Variants in TRIM3 observed in about 807,000 individuals in gnomAD.
TRIM3 encodes tripartite motif containing 3, also known as tripartite motif-containing protein 3.
In TRIM3, 13 loss-of-function variants were observed where a neutral mutation model predicts 66.6. The ratio of observed to expected loss-of-function variants is 0.20; its 90% CI spans 0.13 to 0.31. The LOEUF is 0.31. Ranked by LOEUF, TRIM3 falls within the 10% of genes least tolerant of loss-of-function variation. TRIM3 has a pLI of 1.00. For synonymous variants in TRIM3, 406 were observed against 411.7 expected (o/e 0.99, Z 0.17); for missense variants, 711 against 1,020.4 (o/e 0.70, Z 4.13).
chr11:6,460,241 G>C (rs1371814385), intron 2 of TRIM3, among the ~76,000 whole-genome samples: 1 of 152,204 alleles, frequency 6.6e-6, no homozygotes, highest in African/African-American at 2.4e-5. Context: ...GCAAATGTGA[G>C]GGTACTTTGT....
intron 1 of TRIM3, chr11:6,473,330 G>C (rs1442207814): frequency 2.1e-5 from 3 of 143,306 alleles, no homozygotes; most frequent in Non-Finnish European, 4.6e-5. Context: ...CATCCTGACT[G>C]GTGGGCCTGT....
chr11:6,468,915 G>C (rs1850573764), intron 1 of TRIM3, among the ~76,000 whole-genome samples: 1 of 152,154 alleles, frequency 6.6e-6, no homozygotes, highest in African/African-American at 2.4e-5. Flanking sequence ...TTTGGGGAGG[G>C]ATAGAAGGGC....
In TRIM3 at chr11:6,456,676, C is replaced by G; in HGVS notation, c.1050G>C (p.Lys350Asn). ...PASLTVTTKD[K>N]DGRLVRTGSA... ...TGCCTGTGCGCACCAACCGCCCGTC[C>G]TTGTCTTTGGTAGTGACAGTGAGCG... Residue 350 changes from lysine to asparagine, a missense_variant, in exon 6 of 12, where the codon AAG becomes AAC. Lys to Asn is a moderately conservative substitution (Grantham distance 94). Around this residue, in one of 3 missense-constraint regions of TRIM3, gnomAD observed 399 missense variants for 458.1 expected, o/e 0.87. Transcript: ENST00000345851. The surrounding 1 kb of genome is among the most constrained non-coding windows in gnomAD (Gnocchi z 6.4). 10 of 1,606,346 alleles carry G rather than the reference C, an allele frequency of 6.2e-6. No individual in the cohort carries two copies. Among genetic ancestry groups the G allele is most frequent in the Non-Finnish European group, 8.5e-6 (10 of 1,175,966 alleles).
intron 1 of TRIM3, among the ~76,000 whole-genome samples, chr11:6,469,103 T>C (rs980230186): frequency 5.9e-5 from 9 of 152,228 alleles, no homozygotes; most frequent in South Asian, 2.1e-4. Flanking sequence ...GGAGGACAGA[T>C]TGAAGGTTGG....
intron 7 of TRIM3, chr11:6,451,747 A>G (rs896732493): frequency 2.8e-5 from 10 of 359,856 alleles, no homozygotes; most frequent in African/African-American, 2.1e-4. Context: ...AAGGAAGAGG[A>G]AAGGCATTCA....
At position 6,458,320 on chromosome 11, in the gene TRIM3, A is replaced by G; in HGVS notation, c.132-24T>C. The G allele has an allele frequency of 1.3e-6, 2 of 1,594,128 alleles. No individual in the cohort carries two copies. The highest frequency in any genetic ancestry group is 1.7e-6 in the Non-Finnish European group (2 of 1,163,994). ...ATCTGTCCAGGAAGGAGAGTCAAAG[A>G]ACAGAGTGGGTGGGGTGGCATAAGT... On this transcript the variant is annotated intron_variant, in intron 2 of 11. Transcript: ENST00000345851. This position sits in a 1 kb window ranked among gnomAD's most constrained non-coding sequence, Gnocchi z 6.2.
In TRIM3 at chr11:6,456,367, G is replaced by A; in HGVS notation, c.1359C>T (p.Pro453=). 2.6e-6 allele frequency: 4 copies of A among 1,532,788 alleles called. No homozygotes were observed. The highest frequency in any genetic ancestry group is 3.5e-6 in the Non-Finnish European group (4 of 1,137,616). 94.9% of individuals were successfully genotyped at this position (1,532,788 alleles called of 1,614,324 possible). A position where few individuals can be genotyped will look rare whatever the true frequency, so the allele number is the denominator to read the frequency against. The part of the protein sequence containing the change: ...SHVRQKAVRR[P]SSMYSTGGKR... ...TGCCGCCTGTGCTGTACATGGAGCTGGGCCTACGCACTGCCTTCTGGCGCA... is the reference window on the plus strand; with the variant it reads ...TGCCGCCTGTGCTGTACATGGAGCTAGGCCTACGCACTGCCTTCTGGCGCA... Residue 453 remains proline, a synonymous_variant, in exon 6 of 12, where the codon CCC becomes CCT. Transcript: ENST00000345851. The surrounding 1 kb of genome is among the most constrained non-coding windows in gnomAD (Gnocchi z 6.4).
chr11:6,458,280 T>G lies in TRIM3; in HGVS notation c.148A>C (p.Ile50Leu). Residue 50 changes from isoleucine (I) to leucine (L), a missense_variant, in exon 3 of 12, where the codon ATC becomes CTC. Physicochemically the swap from Ile to Leu is conservative, Grantham distance 5. Around this residue, in one of 3 missense-constraint regions of TRIM3, gnomAD observed 149 missense variants for 240.3 expected, o/e 0.62. Coordinates refer to ENST00000345851, the MANE Select transcript of TRIM3 (RefSeq NM_033278.4). The surrounding 1 kb of genome is among the most constrained non-coding windows in gnomAD (Gnocchi z 6.2). ...GATAGCGTCAGGCTCTGGGCAGGGATATAGTTTTGGAGACATCTGTCCAGG... is the reference window on the plus strand; with the variant it reads ...GATAGCGTCAGGCTCTGGGCAGGGAGATAGTTTTGGAGACATCTGTCCAGG... ...TFCERCLQNY[I>L]PAQSLTLSCP... 3 of 1,613,642 alleles carry G rather than the reference T, an allele frequency of 1.9e-6. No individual in the cohort carries two copies. Among genetic ancestry groups the G allele is most frequent in the Non-Finnish European group, 2.5e-6 (3 of 1,179,634 alleles).
intron 1 of TRIM3, among the ~76,000 whole-genome samples, 178 bp downstream of exon 1, chr11:6,473,613 G>C (rs904736652): frequency 1.3e-5 from 2 of 151,818 alleles, no homozygotes; most frequent in African/African-American, 4.8e-5. Flanking sequence ...GACCTCACGT[G>C]AGCAGCCACA....
At chr11:6,454,100 C>T (rs1214622044) in intron 7 of TRIM3, among the ~76,000 whole-genome samples, 1 of 152,130 alleles carries the variant, frequency 6.6e-6, no homozygotes, top group Non-Finnish European at 1.5e-5. Context: ...ATGGGGAGGC[C>T]AGGTGCAGTG....
chr11:6,449,563 G>A lies in TRIM3; in HGVS notation c.1942-117C>T, dbSNP rs1209696967. On this transcript the variant is annotated intron_variant, in intron 10 of 11. Transcript: ENST00000345851. The surrounding 1 kb of genome is among the most constrained non-coding windows in gnomAD (Gnocchi z 5.3). ...ACCCCCACCCAGATCTACAGCTACA[G>A]CCCAAATCTGCTTCATAGGCTTCAC... The A allele has an allele frequency of 1.0e-6, 1 of 960,834 alleles. No homozygotes were observed. The highest frequency in any genetic ancestry group is 1.5e-6 in the Non-Finnish European group (1 of 655,524). 59.5% of individuals were successfully genotyped at this position (960,834 alleles called of 1,614,324 possible). A position where few individuals can be genotyped will look rare whatever the true frequency, so the allele number is the denominator to read the frequency against.
intron 1 of TRIM3, among the ~76,000 whole-genome samples, chr11:6,470,467 G>A (rs1180721468): frequency 1.3e-5 from 2 of 152,158 alleles, no homozygotes; most frequent in African/African-American, 4.8e-5. Context: ...GTGGTGTTAT[G>A]ATCATAGCTC....
In TRIM3 at chr11:6,463,824, A is replaced by G. The variant is rs920833849; in HGVS notation, c.131+1741T>C. Reference sequence around the variant, plus strand: ...AACCCTGAAGAAACAGTTAAGAACCAACAGGCACAAGAGGGTGGTTGTCCC... The same window carrying G: ...AACCCTGAAGAAACAGTTAAGAACCGACAGGCACAAGAGGGTGGTTGTCCC... On this transcript the variant is annotated intron_variant, in intron 2 of 11. Transcript: ENST00000345851. 1.8e-4 allele frequency among the ~76,000 whole-genome samples: 28 copies of G among 152,330 alleles called. 1 individual carries two copies. Among genetic ancestry groups the G allele is most frequent in the Non-Finnish European group, 1.5e-5 (1 of 68,030 alleles).
intron 7 of TRIM3, among the ~76,000 whole-genome samples, chr11:6,454,968 A>T (rs963843756): frequency 3.3e-5 from 5 of 152,136 alleles, no homozygotes; most frequent in Admixed American, 3.3e-4. Flanking sequence ...GTAGTTAGAA[A>T]CAATCCCCTA....
chr11:6,457,616 G>C lies in TRIM3; in HGVS notation c.515+80C>G, dbSNP rs1215705662. The C allele has an allele frequency of 6.4e-7, 1 of 1,561,598 alleles. No homozygotes were observed. On this transcript the variant is annotated intron_variant, in intron 4 of 11. Transcript: ENST00000345851. This position sits in a 1 kb window ranked among gnomAD's most constrained non-coding sequence, Gnocchi z 4.5. ...GAGACTTCCATCTCTGCCCTTCCCAGACCCTTTATTCCCCTCCCCGCCCGA... is the reference window on the plus strand; with the variant it reads ...GAGACTTCCATCTCTGCCCTTCCCACACCCTTTATTCCCCTCCCCGCCCGA...
rs903828365 is a variant in TRIM3, at chr11:6,456,769, G to C, written c.957C>G (p.Ser319Arg). 2 of 1,611,896 alleles carry C rather than the reference G, an allele frequency of 1.2e-6. No individual in the cohort carries two copies. The highest frequency in any genetic ancestry group is 2.7e-5 in the African/African-American group (2 of 75,064). Residue 319 changes from serine (S) to arginine (R), a missense_variant, in exon 6 of 12, where the codon AGC becomes AGG. This residue lies in a region of TRIM3 where 399 missense variants were observed against 458.1 expected (regional missense o/e 0.87). Coordinates refer to ENST00000345851, the MANE Select transcript of TRIM3 (RefSeq NM_033278.4). This position sits in a 1 kb window ranked among gnomAD's most constrained non-coding sequence, Gnocchi z 6.4. ...VLNLGALLTT[S>R]ATAHETVATG... ...TGGCCACCGTTTCGTGTGCAGTGGC[G>C]CTCGTGGTGAGCAGTGCGCCCAGAT...
Position 6,456,702 on chromosome 11 carries a change from A to G in TRIM3, c.1024T>C (p.Ser342Pro), listed in dbSNP as rs1850005822. Residue 342 changes from serine (S) to proline (P), a missense_variant, in exon 6 of 12, where the codon TCG (serine) becomes CCG (proline). Transcript: ENST00000345851. This position sits in a 1 kb window ranked among gnomAD's most constrained non-coding sequence, Gnocchi z 6.4. ...LRQALVGQPA[S>P]LTVTTKDKDG... ...TTGTCTTTGGTAGTGACAGTGAGCG[A>G]GGCAGGCTGGCCCACTAGCGCCTGG... 1.2e-6 allele frequency: 2 copies of G among 1,607,288 alleles called. No individual in the cohort carries two copies. The highest frequency in any genetic ancestry group is 1.3e-5 in the African/African-American group (1 of 74,888).
rs1775363955 is a variant in TRIM3 at position 6,448,919 on chromosome 11, C to G, written c.*109G>C. On this transcript the variant is annotated 3_prime_UTR_variant, in exon 12 of 12. Coordinates refer to ENST00000345851, the MANE Select transcript of TRIM3 (RefSeq NM_033278.4). ...GGAGGGCACCGGGTGCACCCATGCC[C>G]ACAGCCCACATTCAGTGCTGCCAGG... 1 of 1,435,950 alleles carries G rather than the reference C, an allele frequency of 7.0e-7. No homozygotes were observed. The highest frequency in any genetic ancestry group is 2.3e-5 in the East Asian group (1 of 43,502). 89.0% of individuals were successfully genotyped at this position (1,435,950 alleles called of 1,614,324 possible). A position where few individuals can be genotyped will look rare whatever the true frequency, so the allele number is the denominator to read the frequency against.
At position 6,457,609 on chromosome 11, in the gene TRIM3, C is replaced by T; in HGVS notation, c.515+87G>A. 1 of 1,556,574 alleles carries T rather than the reference C, an allele frequency of 6.4e-7. No individual in the cohort carries two copies. The highest frequency in any genetic ancestry group is 8.7e-7 in the Non-Finnish European group (1 of 1,149,378). ...CCTCCCTGAGACTTCCATCTCTGCC[C>T]TTCCCAGACCCTTTATTCCCCTCCC... On this transcript the variant is annotated intron_variant, in intron 4 of 11. Coordinates refer to ENST00000345851, the MANE Select transcript of TRIM3 (RefSeq NM_033278.4). This position sits in a 1 kb window ranked among gnomAD's most constrained non-coding sequence, Gnocchi z 4.5.
Sources: allele counts gnomAD v4.1 joint callset (sites outside exome capture counted in the v4.1 genomes callset), GRCh38; gene constraint gnomAD v4.1.1; regional missense constraint gnomAD v4.1.1; non-coding constraint Gnocchi (gnomAD v3.1); transcripts MANE v1.5; gene names NCBI Gene and HGNC (gene_info 2026-07-23, HGNC 2026-07-21).